The following COL25A1 variants were observed in gnomAD, a reference collection of about 807,000 sequenced individuals.
COL25A1 encodes collagen alpha-1(XXV) chain.
Under a neutral mutation model 128.4 loss-of-function variants are expected in COL25A1, and 103 were observed. The ratio of observed to expected loss-of-function variants is 0.80; its 90% confidence interval spans 0.68 to 0.94. The LOEUF (loss-of-function observed/expected upper bound fraction) is 0.94, where lower values mean the gene tolerates loss of function less well. Among genes scored for constraint, COL25A1 ranks in the 40% least tolerant of loss-of-function variants. The pLI is 0.00. For missense variants in COL25A1, 745 were observed against 840.0 expected, an observed-to-expected ratio of 0.89 and a Z score of 1.40; for synonymous variants, 279 against 277.2, an observed-to-expected ratio of 1.01 and a Z score of -0.06.
In COL25A1 at chr4:108,832,400, C is replaced by A. The variant is rs1466163129; in HGVS notation, c.1690G>T (p.Ala564Ser). ...TDGPMGPHGP[A>S]GPKGERGEKG... is the part of the protein sequence containing the mutation. ...CTTACTCTTTCTCCTTTGGGACCTG[C>A]AGGGCCATGGGGTCCCATAGGACCA... Residue 564 changes from alanine to serine, a missense_variant, in exon 32 of 38, where the codon GCA becomes TCA. Coordinates refer to ENST00000399132, the MANE Select transcript of COL25A1 (RefSeq NM_198721.4). 6.2e-7 allele frequency: 1 copy of A among 1,611,274 alleles called. No individual in the cohort carries two copies. Among genetic ancestry groups the A allele is most frequent in the South Asian group, 1.1e-5 (1 of 90,688 alleles).
At chr4:109,257,066 T>C (rs1307194005) in intron 3 of COL25A1, among the ~76,000 whole-genome samples, 1 of 152,204 alleles carries the variant, frequency 6.6e-6, no homozygotes, top group African/African-American at 2.4e-5. Flanking sequence ...CTTTTCACAA[T>C]AGTATCTGTT....
chr4:109,096,040 G>C (rs1205768579), intron 3 of COL25A1, among the ~76,000 whole-genome samples: 1 of 152,208 alleles, frequency 6.6e-6, no homozygotes, highest in Non-Finnish European at 1.5e-5. Flanking sequence ...TCTGGAATTG[G>C]AATGACGGGT....
At chr4:108,945,397 T>G (rs1011631009) in intron 8 of COL25A1, among the ~76,000 whole-genome samples, 2 of 152,222 alleles carry the variant, frequency 1.3e-5, no homozygotes, top group South Asian at 2.1e-4. Flanking sequence ...TGTTGACACC[T>G]TATGGCTTTG....
chr4:109,086,163 G>A (rs1373248495), intron 3 of COL25A1, among the ~76,000 whole-genome samples: 1 of 152,174 alleles, frequency 6.6e-6, no homozygotes, highest in African/African-American at 2.4e-5. Flanking sequence ...ACTTAAAAAT[G>A]AGTGTCACCT....
intron 19 of COL25A1, among the ~76,000 whole-genome samples, chr4:108,883,049 T>C (rs1740311143): frequency 6.6e-6 from 1 of 152,162 alleles, no homozygotes; most frequent in African/African-American, 2.4e-5. Flanking sequence ...TTTATTTATT[T>C]TTCTTTTTTA....
intron 3 of COL25A1, among the ~76,000 whole-genome samples, chr4:109,243,234 C>T (rs1372523839): frequency 6.6e-6 from 1 of 151,930 alleles, no homozygotes; most frequent in Admixed American, 6.6e-5. Context: ...AAGAGTATAA[C>T]CTTCAAGTTG....
rs115167506 is a variant in COL25A1, at chr4:108,980,194, A to T, written c.439-5635T>A. ...GTGCTCTGTTTTGTGGAACTCTGAG[A>T]ACACGGGGTGTTCGGGATTCTTAGG... On this transcript the variant is annotated intron_variant, in intron 6 of 37. Coordinates refer to ENST00000399132, the MANE Select transcript of COL25A1 (RefSeq NM_198721.4). Among the ~76,000 whole-genome samples, 503 of 152,330 alleles carry T rather than the reference A, an allele frequency of 3.3e-3. 3 individuals carry two copies. Among genetic ancestry groups the T allele is most frequent in the African/African-American group, 0.012 (495 of 41,578 alleles).
chr4:108,883,075 T>G (rs1303689822), intron 19 of COL25A1, among the ~76,000 whole-genome samples: 2 of 152,134 alleles, frequency 1.3e-5, no homozygotes, highest in African/African-American at 2.4e-5. Context: ...GGAATAGCAC[T>G]CTGTTGCCCA....
intron 3 of COL25A1, among the ~76,000 whole-genome samples, chr4:109,153,190 A>G (rs536047328): frequency 6.6e-6 from 1 of 152,054 alleles, no homozygotes; most frequent in African/African-American, 2.4e-5. Context: ...GTTCGAGACC[A>G]GCCTGACCAA....
At chr4:108,946,493 A>G (rs1468967103) in intron 8 of COL25A1, among the ~76,000 whole-genome samples, 1 of 152,240 alleles carries the variant, frequency 6.6e-6, no homozygotes, top group Admixed American at 6.5e-5. Flanking sequence ...TTACAGTTTA[A>G]ATATTAGAAA....
intron 22 of COL25A1, among the ~76,000 whole-genome samples, chr4:108,861,793 T>C (rs555355931): frequency 6.6e-6 from 1 of 152,336 alleles, no homozygotes; most frequent in African/African-American, 2.4e-5. Flanking sequence ...TTTTTCTGTA[T>C]GGACTTCAAA....
intron 3 of COL25A1, among the ~76,000 whole-genome samples, chr4:109,100,525 G>A (rs1307118142): frequency 6.6e-6 from 1 of 151,406 alleles, no homozygotes; most frequent in Non-Finnish European, 1.5e-5. Flanking sequence ...TGCTGTCTGT[G>A]GGTGATTGAA....
chr4:109,104,403 T>TCTCTCTCC (rs1300523136), intron 3 of COL25A1, among the ~76,000 whole-genome samples: 1 of 149,660 alleles, frequency 6.7e-6, no homozygotes, highest in Non-Finnish European at 1.5e-5. Flanking sequence ...AGGAAATCAC[T>TCTCTCTCC]CTCTCTCTCT....
chr4:109,226,864 ACACT>A (rs1187158784), intron 3 of COL25A1, among the ~76,000 whole-genome samples: 1 of 152,156 alleles, frequency 6.6e-6, no homozygotes, highest in African/African-American at 2.4e-5. Flanking sequence ...GCAAGCACAA[ACACT>A]CAGGTATAGT....
chr4:109,218,278 C>T (rs949551599), intron 3 of COL25A1, among the ~76,000 whole-genome samples: 21 of 145,750 alleles, frequency 1.4e-4, no homozygotes, highest in Non-Finnish European at 3.0e-4. Context: ...CATTAGGAGA[C>T]ATGACTTATT....
chr4:108,953,766 C>T (rs1274073479), intron 8 of COL25A1, among the ~76,000 whole-genome samples: 2 of 152,118 alleles, frequency 1.3e-5, no homozygotes, highest in Non-Finnish European at 2.9e-5. Context: ...TTAGTTTACA[C>T]ACTTTATATT....
chr4:108,854,566 T>G (rs1382030686), intron 24 of COL25A1, among the ~76,000 whole-genome samples: 2 of 152,040 alleles, frequency 1.3e-5, no homozygotes, highest in African/African-American at 4.8e-5. Flanking sequence ...TGAACAGACA[T>G]TTTTCAAAAG....
intron 3 of COL25A1, among the ~76,000 whole-genome samples, chr4:109,256,211 G>C (rs1036230246): frequency 6.6e-6 from 1 of 151,846 alleles, no homozygotes; most frequent in Non-Finnish European, 1.5e-5. Flanking sequence ...CTGATACTTT[G>C]AAAAATTAAA....
intron 3 of COL25A1, among the ~76,000 whole-genome samples, chr4:109,272,378 C>A (rs1449518780): frequency 6.6e-6 from 1 of 152,116 alleles, no homozygotes; most frequent in African/African-American, 2.4e-5. Flanking sequence ...TCTAAATATA[C>A]CAACTTGTTA....
Sources: allele counts gnomAD v4.1 joint callset (sites outside exome capture counted in the v4.1 genomes callset), GRCh38; gene constraint gnomAD v4.1.1; transcripts MANE v1.5; gene names NCBI Gene and HGNC (gene_info 2026-07-23, HGNC 2026-07-21).